The following NRBP2 variants were observed in gnomAD, a reference collection of about 807,000 sequenced individuals.
NRBP2 encodes nuclear receptor-binding protein 2.
In NRBP2, 47 loss-of-function variants were observed where a neutral mutation model predicts 74.4. That is an observed-to-expected ratio of 0.63 (90% CI 0.50 to 0.81). NRBP2 has a LOEUF of 0.81. Ranked by LOEUF, NRBP2 falls within the 30% of genes least tolerant of loss-of-function variation. NRBP2 has a pLI of 0.00. For synonymous variants in NRBP2, 312 were observed against 273.8 expected, an observed-to-expected ratio of 1.14 and a Z score of -1.38; for missense variants, 613 against 690.1, an observed-to-expected ratio of 0.89 and a Z score of 1.25.
rs1554653336 is a variant in NRBP2 at position 143,840,107 on chromosome 8, C to T, written c.252G>A (p.Glu84=). ...FGDRKAFAAH[E]EKIQTVFEQL... is the part of the protein sequence containing the mutation. The stretch of plus-strand genomic sequence containing the variant: ...GATGAGGAGGGGGCAGCGGTCTCAC[C>T]TCGTGCGCCGCGAAGGCCTTCCTGT... The change falls in exon 2 of 18, where the codon GAG becomes GAA. Residue 84 remains glutamate (E), a splice_region_variant and synonymous_variant. Transcript: ENST00000442628. This position sits in a 1 kb window ranked among gnomAD's most constrained non-coding sequence, Gnocchi z 5.7. 4 of 1,536,136 alleles carry T rather than the reference C, an allele frequency of 2.6e-6. No homozygotes were observed. In the South Asian group the frequency reaches 4.8e-5, roughly 18 times the overall value.
chr8:143,839,802 C>T lies in NRBP2; in HGVS notation c.378G>A (p.Val126=). 3 of 1,536,118 alleles carry T rather than the reference C, an allele frequency of 2.0e-6. No individual in the cohort carries two copies. Among genetic ancestry groups the T allele is most frequent in the Non-Finnish European group, 2.6e-6 (3 of 1,146,896 alleles). Residue 126 remains valine (V), a synonymous_variant, in exon 4 of 18, where the codon GTG becomes GTA. Transcript: ENST00000442628. The surrounding 1 kb of genome is among the most constrained non-coding windows in gnomAD (Gnocchi z 5.1). ...CARVIFITEY[V]SSGSLKQFLK... is the part of the protein sequence containing the mutation. The stretch of plus-strand genomic sequence containing the variant: ...GGAATTGCTTGAGGCTGCCTGATGA[C>T]ACGTACTCTGTGATGAAGATGACCT...
rs11774027 is a variant in NRBP2 at position 143,835,620 on chromosome 8, A to G, written c.*42T>C. 0.59 allele frequency: 891,346 copies of G among 1,505,006 alleles called. 270,204 individuals are homozygous for G. Among genetic ancestry groups the G allele is most frequent in the South Asian group, 0.65 (50,233 of 77,134 alleles). 93.2% of individuals were successfully genotyped at this position (1,505,006 alleles called of 1,614,324 possible). A position where few individuals can be genotyped will look rare whatever the true frequency, so the allele number is the denominator to read the frequency against. On this transcript the variant is annotated 3_prime_UTR_variant, in exon 18 of 18. Coordinates refer to ENST00000442628, the MANE Select transcript of NRBP2 (RefSeq NM_178564.4). The surrounding 1 kb of genome is among the most constrained non-coding windows in gnomAD (Gnocchi z 4.9). The stretch of plus-strand genomic sequence containing the variant: ...GGAGTCTCCCCAACATGGCCTGCCC[A>G]GGCAGCACCCCGGCATGGTCCCCTG...
rs1818623749 is a variant in NRBP2 at position 143,840,000 on chromosome 8, C to T, written c.283G>A (p.Val95Met). Residue 95 changes from valine (V) to methionine (M), a missense_variant, in exon 3 of 18, where the codon GTG (valine) becomes ATG (methionine). This residue lies in a region of NRBP2 where 332 missense variants were observed against 429.2 expected (regional missense o/e 0.77). Transcript: ENST00000442628. This position sits in a 1 kb window ranked among gnomAD's most constrained non-coding sequence, Gnocchi z 5.1. ...ACGATGTTCGGGTGGTCCACCAGCA[C>T]CAGCTGCTCGAACACGGTCTGGATC... ...EKIQTVFEQLVLVDHPNIVKL... is the reference protein window; with the variant it reads ...EKIQTVFEQLMLVDHPNIVKL... The T allele has an allele frequency of 6.5e-7, 1 of 1,536,200 alleles. No homozygotes were observed. The highest frequency in any genetic ancestry group is 2.4e-5 in the East Asian group (1 of 40,914).
chr8:143,835,785 C>A lies in NRBP2; in HGVS notation c.1437+35G>T. 6.2e-7 allele frequency: 1 copy of A among 1,603,294 alleles called. No individual in the cohort carries two copies. The highest frequency in any genetic ancestry group is 8.5e-7 in the Non-Finnish European group (1 of 1,175,278). ...AGGGGCGCGGCCTGCCCCGTGCGCC[C>A]CCTCCGCCAGGCCGCGCCGCACCGC... On this transcript the variant is annotated intron_variant, in intron 17 of 17. Transcript: ENST00000442628. This position sits in a 1 kb window ranked among gnomAD's most constrained non-coding sequence, Gnocchi z 4.9.
In NRBP2 at chr8:143,840,643, G is replaced by A; in HGVS notation, c.129+63C>T. The A allele has an allele frequency of 7.4e-7, 1 of 1,348,312 alleles. No homozygotes were observed. The highest frequency in any genetic ancestry group is 1.6e-5 in the South Asian group (1 of 63,612). The allele number at this position is 1,348,312 out of a possible 1,614,324, so 83.5% of individuals were successfully genotyped here. On this transcript the variant is annotated intron_variant, in intron 1 of 17. Transcript: ENST00000442628. The surrounding 1 kb of genome is among the most constrained non-coding windows in gnomAD (Gnocchi z 5.7). The stretch of plus-strand genomic sequence containing the variant: ...TCCCAGCGCCCCCACGCCCCGCGCA[G>A]CCTCCAGGCCCCTCCCGCTCTGGGA...
At position 143,837,729 on chromosome 8, in the gene NRBP2, C is replaced by T; in HGVS notation, c.867G>A (p.Arg289=). ...MREFILCCLA[R]DPARRPSAHS... ...GGGCAGAGGGCCGGCGGGCAGGGTC[C>T]CGGGCCAGGCAGCAAAGGATGAACT... is the stretch of plus-strand genomic sequence containing the variant. The change falls in exon 11 of 18, where the codon CGG becomes CGA. Residue 289 remains arginine, a synonymous_variant. Coordinates refer to ENST00000442628, the MANE Select transcript of NRBP2 (RefSeq NM_178564.4). The surrounding 1 kb of genome is among the most constrained non-coding windows in gnomAD (Gnocchi z 4.3). The T allele has an allele frequency of 6.4e-7, 1 of 1,561,672 alleles. No individual in the cohort carries two copies. The highest frequency in any genetic ancestry group is 1.2e-5 in the South Asian group (1 of 84,908).
rs142916938 is a variant in NRBP2 at position 143,837,719 on chromosome 8, G to A, written c.877C>T (p.Arg293Cys). Residue 293 changes from arginine to cysteine, a missense_variant, in exon 11 of 18, where the codon CGC (arginine) becomes TGC (cysteine). By Grantham distance (180) the Arg-to-Cys change is radical. Transcript: ENST00000442628. The surrounding 1 kb of genome is among the most constrained non-coding windows in gnomAD (Gnocchi z 4.3). ...AGGAGGCTGTGGGCAGAGGGCCGGC[G>A]GGCAGGGTCCCGGGCCAGGCAGCAA... Reference protein sequence around the residue: ...ILCCLARDPARRPSAHSLLFH... With the variant: ...ILCCLARDPACRPSAHSLLFH... 155 of 1,563,890 alleles carry A rather than the reference G, an allele frequency of 9.9e-5. No homozygotes were observed. In the Middle Eastern group the frequency reaches 1.5e-3, roughly 15 times the overall value.
chr8:143,832,067 T>C (rs113545077), downstream of NRBP2, among the ~76,000 whole-genome samples: 17,893 of 152,184 alleles, frequency 0.12, 1,303 homozygotes, highest in African/African-American at 0.2. Context: ...CCATTTTGTT[T>C]TGTACTAAGG....
rs1785161085 is a variant in NRBP2, at chr8:143,834,162, TATC to T, written c.*1497_*1499del. 1 of 152,274 alleles carries T rather than the reference TATC, an allele frequency of 6.6e-6. No individual in the cohort carries two copies. Among genetic ancestry groups the T allele is most frequent in the South Asian group, 2.1e-4 (1 of 4,822 alleles). The allele number at this position is 152,274 out of a possible 1,614,324, so 9.4% of individuals were successfully genotyped here. A position where few individuals can be genotyped will look rare whatever the true frequency, so the allele number is the denominator to read the frequency against. On this transcript the variant is annotated 3_prime_UTR_variant, in exon 18 of 18. Coordinates refer to ENST00000442628, the MANE Select transcript of NRBP2 (RefSeq NM_178564.4). ...TATTAAAAACCTTGAGGAGGGAGAT[TATC>T]ATGTATTATCTGGCTGGGCCCAACC...
rs140584637 is a variant in NRBP2, at chr8:143,838,714, C to T, written c.806G>A (p.Arg269His). ...GGGGTCACTCAGCGAGTGCCTGGCG[C>T]GAGCAATGGCCTCCTCTGTGACCCG... is the stretch of plus-strand genomic sequence containing the variant. ...DTRVTEEAIA[R>H]ARHSLSDPNM... The change falls in exon 10 of 18, where the codon CGC becomes CAC. Residue 269 changes from arginine to histidine, a missense_variant. By Grantham distance (29) the Arg-to-His change is conservative. This residue lies in a region of NRBP2 where 332 missense variants were observed against 429.2 expected (regional missense o/e 0.77). Coordinates refer to ENST00000442628, the MANE Select transcript of NRBP2 (RefSeq NM_178564.4). The T allele has an allele frequency of 3.6e-4, 579 of 1,612,550 alleles. 1 individual carries two copies. Among genetic ancestry groups the T allele is most frequent in the South Asian group, 2.6e-3 (240 of 90,688 alleles).
In NRBP2 at chr8:143,840,265, T is replaced by C; in HGVS notation, c.130-36A>G. The stretch of plus-strand genomic sequence containing the variant: ...ATAAAGGGTTATGTGTGCCCTGGTG[T>C]GTGTCAGGGTTGTGGGTGAGGATTT... On this transcript the variant is annotated intron_variant, in intron 1 of 17. Coordinates refer to ENST00000442628, the MANE Select transcript of NRBP2 (RefSeq NM_178564.4). The surrounding 1 kb of genome is among the most constrained non-coding windows in gnomAD (Gnocchi z 5.7). The C allele has an allele frequency of 6.5e-7, 1 of 1,534,658 alleles. No individual in the cohort carries two copies. Among genetic ancestry groups the C allele is most frequent in the Non-Finnish European group, 8.7e-7 (1 of 1,146,022 alleles).
rs1586646767 is a variant in NRBP2, at chr8:143,834,261, C to T, written c.*1401G>A. 6.6e-6 allele frequency: 1 copy of T among 152,254 alleles called. No homozygotes were observed. The highest frequency in any genetic ancestry group is 1.9e-4 in the East Asian group (1 of 5,202). 9.4% of individuals were successfully genotyped at this position (152,254 alleles called of 1,614,324 possible). On this transcript the variant is annotated 3_prime_UTR_variant, in exon 18 of 18. Coordinates refer to ENST00000442628, the MANE Select transcript of NRBP2 (RefSeq NM_178564.4). ...CCAGAGAAATGGTTCGTGACACAGACTGAACCTGCTAGCTCTGAAGATGGA... is the reference window on the plus strand; with the variant it reads ...CCAGAGAAATGGTTCGTGACACAGATTGAACCTGCTAGCTCTGAAGATGGA...
chr8:143,833,559 G>A (rs1554650701), downstream of NRBP2: 1 of 152,104 alleles, frequency 6.6e-6, no homozygotes, highest in Non-Finnish European at 1.5e-5. Flanking sequence ...TCAAATGCCT[G>A]AAGAAACAGT....
downstream of NRBP2, among the ~76,000 whole-genome samples, chr8:143,831,515 A>G (rs1228018792): frequency 6.6e-6 from 1 of 151,762 alleles, no homozygotes; most frequent in Non-Finnish European, 1.5e-5. Flanking sequence ...TAGCTACTAG[A>G]GAGGCTAAGG....
At chr8:143,836,596 C>A (rs554674106) in intron 14 of NRBP2, among the ~76,000 whole-genome samples, 1 of 150,782 alleles carries the variant, frequency 6.6e-6, no homozygotes, top group Non-Finnish European at 1.5e-5. Flanking sequence ...TGCACTGCAC[C>A]GAGAGAGGCC....
Position 143,835,980 on chromosome 8 carries a change from G to A in NRBP2, c.1368C>T (p.Tyr456=), listed in dbSNP as rs376596880. The change falls in exon 16 of 18, where the codon TAC becomes TAT. Residue 456 remains tyrosine (Y), a synonymous_variant. Coordinates refer to ENST00000442628, the MANE Select transcript of NRBP2 (RefSeq NM_178564.4). This position sits in a 1 kb window ranked among gnomAD's most constrained non-coding sequence, Gnocchi z 4.9. ...TGCCCAGCCTACTTGGGAGCAGGTC[G>A]TAGGTCAGCTGCCGGTGCAGCCGGT... ...LEDRLHRQLT[Y]DLLPTDSAQD... is the part of the protein sequence containing the mutation. 8.2e-6 allele frequency: 13 copies of A among 1,586,386 alleles called. No individual in the cohort carries two copies. Among genetic ancestry groups the A allele is most frequent in the African/African-American group, 1.4e-5 (1 of 73,650 alleles).
downstream of NRBP2, among the ~76,000 whole-genome samples, chr8:143,832,022 T>C (rs1195181136): frequency 2.6e-5 from 4 of 152,270 alleles, no homozygotes; most frequent in African/African-American, 4.8e-5. Flanking sequence ...AGATTGTTAC[T>C]GTGTCTGTGT....
rs1004034214 is a variant in NRBP2, at chr8:143,840,540, C to T, written c.129+166G>A. On this transcript the variant is annotated intron_variant, in intron 1 of 17. Transcript: ENST00000442628. The surrounding 1 kb of genome is among the most constrained non-coding windows in gnomAD (Gnocchi z 5.7). ...GGCCCTCAGGGAGTCCCAGGGCGAG[C>T]GCCAGGCCAAAGGGGTCCAGGGGTG... 2 of 728,280 alleles carry T rather than the reference C, an allele frequency of 2.7e-6. No homozygotes were observed. Among genetic ancestry groups the T allele is most frequent in the Non-Finnish European group, 4.3e-6 (2 of 465,456 alleles). The allele number at this position is 728,280 out of a possible 1,614,324, so 45.1% of individuals were successfully genotyped here.
rs1554652601 is a variant in NRBP2 at position 143,838,788 on chromosome 8, G to A, written c.745-13C>T. ...CCAGTACAGCCATCTGGGGCACAGAGCCAGGTCAGGCATGGGGAAGGGACC... is the reference window on the plus strand; with the variant it reads ...CCAGTACAGCCATCTGGGGCACAGAACCAGGTCAGGCATGGGGAAGGGACC... On this transcript the variant is annotated splice_polypyrimidine_tract_variant and intron_variant, in intron 9 of 17. Coordinates refer to ENST00000442628, the MANE Select transcript of NRBP2 (RefSeq NM_178564.4). 8 of 1,611,796 alleles carry A rather than the reference G, an allele frequency of 5.0e-6. No homozygotes were observed. The Admixed American group carries it at 5.0e-5, about 10-fold the overall frequency.
Sources: allele counts gnomAD v4.1 joint callset (sites outside exome capture counted in the v4.1 genomes callset), GRCh38; gene constraint gnomAD v4.1.1; regional missense constraint gnomAD v4.1.1; non-coding constraint Gnocchi (gnomAD v3.1); transcripts MANE v1.5; gene names NCBI Gene and HGNC (gene_info 2026-07-23, HGNC 2026-07-21).